ZNF606: variants seen among roughly 807,000 people sequenced by gnomAD.
ZNF606 encodes zinc finger protein 606.
ZNF606 carries 37 observed loss-of-function variants against 74.9 expected under a neutral mutation model. The ratio of observed to expected loss-of-function variants is 0.49; its 90% confidence interval spans 0.38 to 0.65. ZNF606 has a LOEUF of 0.65. Among genes scored for constraint, ZNF606 ranks in the 30% least tolerant of loss-of-function variants. The pLI is 0.00. For missense variants in ZNF606, 852 were observed against 952.9 expected (o/e 0.89, Z 1.39); for synonymous variants, 328 against 312.4 (o/e 1.05, Z -0.53).
chr19:57,992,787 T>C (rs2073279647), intron 4 of ZNF606, among the ~76,000 whole-genome samples: 1 of 151,984 alleles, frequency 6.6e-6, no homozygotes, highest in African/African-American at 2.4e-5. Flanking sequence ...TTAAAAAAGG[T>C]TGTGTTGGAA....
chr19:57,981,619 T>A (rs1274139987), intron 6 of ZNF606, among the ~76,000 whole-genome samples: 1 of 152,176 alleles, frequency 6.6e-6, no homozygotes, highest in Non-Finnish European at 1.5e-5. Context: ...GAGGGGTGTT[T>A]AGAGAGTATC....
intron 6 of ZNF606, among the ~76,000 whole-genome samples, chr19:57,982,347 G>T (rs1468113208): frequency 6.6e-6 from 1 of 151,956 alleles, no homozygotes; most frequent in Non-Finnish European, 1.5e-5. Flanking sequence ...TCTTATAAAA[G>T]GACCCTTGTG....
At chr19:57,999,522 G>A in intron 4 of ZNF606, 1 of 501,566 alleles carries the variant, frequency 2.0e-6, no homozygotes, top group Non-Finnish European at 3.5e-6. Flanking sequence ...ATGAGTGAAG[G>A]TGGCAATAGA....
At chr19:57,994,727 G>A (rs1320810245) in intron 4 of ZNF606, among the ~76,000 whole-genome samples, 3 of 152,170 alleles carry the variant, frequency 2.0e-5, no homozygotes, top group East Asian at 3.8e-4. Flanking sequence ...TTAAAGGAAT[G>A]CAATATACCT....
At chr19:57,994,988 T>C (rs111447618) in intron 4 of ZNF606, among the ~76,000 whole-genome samples, 33,176 of 151,556 alleles carry the variant, frequency 0.22, 3,704 homozygotes, top group Non-Finnish European at 0.24. Flanking sequence ...TGGAGACCAT[T>C]GAGACCATCC....
chr19:58,000,279 T>G, intron 3 of ZNF606: 1 of 449,816 alleles, frequency 2.2e-6, no homozygotes, highest in East Asian at 3.6e-5. Context: ...TGGAGTGCAG[T>G]GGCACGATCT....
chr19:57,979,279 C>T lies in ZNF606; in HGVS notation c.1401G>A (p.Trp467Ter), dbSNP rs1363544016. 6.2e-7 allele frequency: 1 copy of T among 1,613,886 alleles called. No individual in the cohort carries two copies. Among genetic ancestry groups the T allele is most frequent in the Non-Finnish European group, 8.5e-7 (1 of 1,180,024 alleles). Residue 467 changes from tryptophan (W) to a stop codon, truncating the protein, a stop_gained, in exon 7 of 7, where the codon TGG becomes TGA. Transcript: ENST00000551380. LOFTEE classifies it high-confidence loss of function. ...ECNKCGKAFS[W>*]NSHLIVHKRI... The stretch of plus-strand genomic sequence containing the variant: ...TCTTATGTACAATAAGATGAGAATT[C>T]CAGCTGAAGGCTTTTCCACATTTAT...
rs562856503 is a variant in ZNF606, at chr19:58,001,277, A to G, written c.31+12T>C. The G allele has an allele frequency of 9.9e-6, 16 of 1,609,294 alleles. No individual in the cohort carries two copies. In the Admixed American group the frequency reaches 1.2e-4, roughly 12 times the overall value. On this transcript the variant is annotated intron_variant, in intron 2 of 6. Coordinates refer to ENST00000551380, the MANE Select transcript of ZNF606 (RefSeq NM_001348022.3). Reference sequence around the variant, plus strand: ...ATAGGGGAGGCCCAGGAGAAACACAACTTGGACTCACCCCAGGAGGCCCAC... The same window carrying G: ...ATAGGGGAGGCCCAGGAGAAACACAGCTTGGACTCACCCCAGGAGGCCCAC...
At chr19:58,001,447 T>C in intron 1 of ZNF606, 77 bp from the exon 2 acceptor site, 1 of 1,179,732 alleles carries the variant, frequency 8.5e-7, no homozygotes, top group Non-Finnish European at 1.2e-6. Context: ...AGGGAATCCA[T>C]CCACCGAAGC....
intron 4 of ZNF606, chr19:57,999,299 C>T: frequency 6.4e-6 from 1 of 156,440 alleles, no homozygotes; most frequent in Non-Finnish European, 1.4e-5. Context: ...GGTGACTGTG[C>T]TCCTGCAGGC....
In ZNF606 at chr19:57,986,005, C is replaced by T. The variant is rs891621028; in HGVS notation, c.400+2202G>A. ...GAAAGCAGAGAGAAGAAATTCATCA[C>T]GTACAAGGGATCTTCAATAAGATTA... On this transcript the variant is annotated intron_variant, in intron 6 of 6. Coordinates refer to ENST00000551380, the MANE Select transcript of ZNF606 (RefSeq NM_001348022.3). 6.6e-5 allele frequency among the ~76,000 whole-genome samples: 10 copies of T among 151,880 alleles called. 1 individual carries two copies. Among genetic ancestry groups the T allele is most frequent in the Admixed American group, 1.3e-4 (2 of 15,228 alleles).
In ZNF606 at chr19:57,979,722, T is replaced by C. The variant is rs1285696045; in HGVS notation, c.958A>G (p.Lys320Glu). ...IHTGEKLYEY[K>E]ECHQIFNQSP... ...TGGTTAAAGATTTGATGGCATTCCTTATATTCATAGAGTTTTTCTCCTGTG... is the reference window on the plus strand; with the variant it reads ...TGGTTAAAGATTTGATGGCATTCCTCATATTCATAGAGTTTTTCTCCTGTG... Residue 320 changes from lysine to glutamate, a missense_variant, in exon 7 of 7, where the codon AAG (lysine) becomes GAG (glutamate). Physicochemically the swap from Lys to Glu is moderately conservative, Grantham distance 56. Transcript: ENST00000551380. 2 of 1,613,428 alleles carry C rather than the reference T, an allele frequency of 1.2e-6. No homozygotes were observed. Among genetic ancestry groups the C allele is most frequent in the Admixed American group, 3.3e-5 (2 of 59,948 alleles).
At chr19:57,984,794 G>A (rs563383454) in intron 6 of ZNF606, among the ~76,000 whole-genome samples, 2 of 152,272 alleles carry the variant, frequency 1.3e-5, no homozygotes, top group South Asian at 4.1e-4. Flanking sequence ...TCAAAATTCT[G>A]TAAATTAACC....
chr19:57,989,432 G>A (rs2073216622), intron 4 of ZNF606, among the ~76,000 whole-genome samples: 1 of 151,816 alleles, frequency 6.6e-6, no homozygotes, highest in Non-Finnish European at 1.5e-5. Context: ...CATCCCTCAA[G>A]TCCTTTTATT....
At chr19:58,000,217 T>C in intron 3 of ZNF606, 1 of 446,380 alleles carries the variant, frequency 2.2e-6, no homozygotes, top group South Asian at 3.9e-5. Flanking sequence ...ACCTTACTGC[T>C]CACTGGTTTT....
At chr19:57,996,648 A>G (rs1026038266) in intron 4 of ZNF606, among the ~76,000 whole-genome samples, 3 of 152,120 alleles carry the variant, frequency 2.0e-5, no homozygotes, top group Non-Finnish European at 4.4e-5. Context: ...GATGAGAGGG[A>G]CCCTTCAAGG....
Position 58,002,490 on chromosome 19 carries a change from G to A in ZNF606, c.-146C>T. The A allele has an allele frequency of 2.2e-6, 1 of 452,114 alleles. No individual in the cohort carries two copies. The highest frequency in any genetic ancestry group is 4.5e-6 in the Non-Finnish European group (1 of 224,580). 28.0% of individuals were successfully genotyped at this position (452,114 alleles called of 1,614,324 possible). Reference sequence around the variant, plus strand: ...TGGCTTTTGTCCCGCGCCGAGGTCCGGCCCAGGAGTGCGCTTGGGAGCTCC... The same window carrying A: ...TGGCTTTTGTCCCGCGCCGAGGTCCAGCCCAGGAGTGCGCTTGGGAGCTCC... On this transcript the variant is annotated 5_prime_UTR_variant, in exon 1 of 7. Transcript: ENST00000551380.
upstream of ZNF606, chr19:58,003,059 C>G (rs2073470018): frequency 2.4e-6 from 1 of 411,014 alleles, no homozygotes; most frequent in Admixed American, 2.8e-5. Context: ...AAGTCGCGGC[C>G]CCGCGGGCCT....
In ZNF606 at chr19:57,979,163, T is replaced by C. The variant is rs773051839; in HGVS notation, c.1517A>G (p.His506Arg). 6.2e-7 allele frequency: 1 copy of C among 1,614,036 alleles called. No homozygotes were observed. Among genetic ancestry groups the C allele is most frequent in the South Asian group, 1.1e-5 (1 of 91,070 alleles). Residue 506 changes from histidine to arginine, a missense_variant, in exon 7 of 7, where the codon CAT becomes CGT. Physicochemically the swap from His to Arg is conservative, Grantham distance 29. This residue lies in a region of ZNF606 where 243 missense variants were observed against 359.2 expected (regional missense o/e 0.68). Transcript: ENST00000551380. ...NSHLIGHQRTHTGEKPFECTE... is the reference protein window; with the variant it reads ...NSHLIGHQRTRTGEKPFECTE... ...ACATTCAAAAGGTTTCTCTCCTGTATGAGTCCTCTGATGTCCAATAAGATG... is the reference window on the plus strand; with the variant it reads ...ACATTCAAAAGGTTTCTCTCCTGTACGAGTCCTCTGATGTCCAATAAGATG...
Sources: allele counts gnomAD v4.1 joint callset (sites outside exome capture counted in the v4.1 genomes callset), GRCh38; gene constraint gnomAD v4.1.1; regional missense constraint gnomAD v4.1.1; transcripts MANE v1.5; gene names NCBI Gene and HGNC (gene_info 2026-07-23, HGNC 2026-07-21).